MOB3A: variants seen among roughly 807,000 people sequenced by gnomAD.
The protein encoded by MOB3A is MOB kinase activator 3A, also known as MOB LAK.
Under a neutral mutation model 17.8 loss-of-function variants are expected in MOB3A, and 17 were observed. The observed-to-expected ratio is 0.95, with a 90% confidence interval of 0.65 to 1.43. MOB3A has a LOEUF of 1.43. Ranked by LOEUF, MOB3A falls within the 40% of genes most tolerant of loss-of-function variation. The probability of loss-of-function intolerance (pLI) is 0.00; values close to 1 mark genes in which losing one functional copy is unlikely to be tolerated. For synonymous variants in MOB3A, 124 were observed against 133.2 expected (o/e 0.93, Z 0.48); for missense variants, 333 against 310.8 (o/e 1.07, Z -0.54).
chr19:2,074,706 C>G (rs1276902821), intron 4 of MOB3A, among the ~76,000 whole-genome samples: 1 of 151,824 alleles, frequency 6.6e-6, no homozygotes, highest in Non-Finnish European at 1.5e-5. Flanking sequence ...GTGCCCACCA[C>G]CATGCCTGGC....
At chr19:2,085,794 CT>C (rs1295988478) in intron 1 of MOB3A, 1 of 151,762 alleles carries the variant, frequency 6.6e-6, no homozygotes. Flanking sequence ...TGAAACTCGT[CT>C]CTACTAAAAA....
chr19:2,081,826 G>C (rs1193312233), intron 2 of MOB3A, among the ~76,000 whole-genome samples: 14 of 152,224 alleles, frequency 9.2e-5, no homozygotes, highest in African/African-American at 3.1e-4. Context: ...AGAGGTTGCA[G>C]TGAGCCAAGG....
rs982285913 is a variant in MOB3A, at chr19:2,093,902, G to C, written c.-274+2324C>G. Among the ~76,000 whole-genome samples, 1 of 152,150 alleles carries C rather than the reference G, an allele frequency of 6.6e-6. No homozygotes were observed. The highest frequency in any genetic ancestry group is 2.4e-5 in the African/African-American group (1 of 41,426). On this transcript the variant is annotated intron_variant, in intron 1 of 4. Transcript: ENST00000357066. This position sits in a 1 kb window ranked among gnomAD's most constrained non-coding sequence, Gnocchi z 4.6. ...CTTAGTTCTCACTCTGTAATCGGTA[G>C]ATCTCAGTGAGTTCTAATAAACAGG... is the stretch of plus-strand genomic sequence containing the variant.
rs573739431 is a variant in MOB3A, at chr19:2,095,255, G to A, written c.-274+971C>T. On this transcript the variant is annotated intron_variant, in intron 1 of 4. Coordinates refer to ENST00000357066, the MANE Select transcript of MOB3A (RefSeq NM_130807.3). Reference sequence around the variant, plus strand: ...GGAAATCTTACCCCCAGGATGAGCTGCGGCTTGGAGCACTGATTTTCTGCT... The same window carrying A: ...GGAAATCTTACCCCCAGGATGAGCTACGGCTTGGAGCACTGATTTTCTGCT... 2.0e-4 allele frequency: 30 copies of A among 152,548 alleles called. No individual in the cohort carries two copies. In the South Asian group the frequency reaches 5.3e-3, roughly 27 times the overall value. 9.4% of individuals were successfully genotyped at this position (152,548 alleles called of 1,614,324 possible).
In MOB3A at chr19:2,080,036, G is replaced by A. The variant is rs563123101; in HGVS notation, c.-119-1357C>T. Among the ~76,000 whole-genome samples the A allele has an allele frequency of 8.5e-5, 13 of 152,274 alleles. No homozygotes were observed. In the South Asian group the frequency reaches 1.2e-3, roughly 15 times the overall value. ...CTGGATCACACACCGCGCGTGTGCC[G>A]GGCTCACGCTCACCACGCAGGGCCT... On this transcript the variant is annotated intron_variant, in intron 2 of 4. Transcript: ENST00000357066.
chr19:2,084,600 A>AT (rs1568255053), intron 2 of MOB3A, among the ~76,000 whole-genome samples: 1 of 149,220 alleles, frequency 6.7e-6, no homozygotes, highest in Admixed American at 6.7e-5. Context: ...TTTCCTTTTT[A>AT]TTTTTTTTGA....
rs928830638 is a variant in MOB3A, at chr19:2,071,390, C to T, written c.*2005G>A. ...GACAAGTCCTGGGAGTTTCAGGCTT[C>T]GGCAGTAACAGTGTGTTAATTGCAC... On this transcript the variant is annotated 3_prime_UTR_variant, in exon 5 of 5. Transcript: ENST00000357066. 2 of 152,194 alleles carry T rather than the reference C, an allele frequency of 1.3e-5. No individual in the cohort carries two copies. The highest frequency in any genetic ancestry group is 6.5e-5 in the Admixed American group (1 of 15,268). The allele number at this position is 152,194 out of a possible 1,614,324, so 9.4% of individuals were successfully genotyped here.
Position 2,078,207 on chromosome 19 carries a change from G to T in MOB3A, c.354C>A (p.Tyr118Ter), listed in dbSNP as rs370127247. ...CGATCCAGTCCATCAGCAGGTCCAT[G>T]TACCTGGGCGCGGAGAGTGCCGTGG... ...RKPTALSAPRYMDLLMDWIEA... is the reference protein window; with the variant it reads ...RKPTALSAPR The change falls in exon 3 of 5, where the codon TAC (tyrosine) becomes TAA (stop). Residue 118 changes from tyrosine (Y) to a stop codon, truncating the protein, a stop_gained. Transcript: ENST00000357066. LOFTEE classifies it high-confidence loss of function. The T allele has an allele frequency of 6.2e-7, 1 of 1,611,528 alleles. No homozygotes were observed. Among genetic ancestry groups the T allele is most frequent in the East Asian group, 2.2e-5 (1 of 44,762 alleles).
At chr19:2,088,641 T>G (rs552846010) in intron 1 of MOB3A, among the ~76,000 whole-genome samples, 1 of 152,228 alleles carries the variant, frequency 6.6e-6, no homozygotes, top group East Asian at 1.9e-4. Context: ...TAATTTTTTT[T>G]GTATTTTTAG....
chr19:2,096,131 C>G (rs1599416698), intron 1 of MOB3A, 95 bp downstream of exon 1: 2 of 153,602 alleles, frequency 1.3e-5, no homozygotes, highest in Admixed American at 1.3e-4. Flanking sequence ...TTCGCCCTTC[C>G]TGAGAACTCG....
At chr19:2,074,884 A>C (rs1236442811) in intron 4 of MOB3A, among the ~76,000 whole-genome samples, 1 of 151,756 alleles carries the variant, frequency 6.6e-6, no homozygotes, top group East Asian at 1.9e-4. Flanking sequence ...TGCCCAGCTA[A>C]TTTTTTGTAT....
chr19:2,088,520 T>C (rs757574881), intron 1 of MOB3A, among the ~76,000 whole-genome samples: 1 of 152,068 alleles, frequency 6.6e-6, no homozygotes, highest in Non-Finnish European at 1.5e-5. Flanking sequence ...CAGGTTGGAG[T>C]GCAGTGGTGC....
intron 1 of MOB3A, among the ~76,000 whole-genome samples, chr19:2,091,675 C>T (rs1047425957): frequency 2.0e-5 from 3 of 151,270 alleles, no homozygotes; most frequent in Admixed American, 6.6e-5. Flanking sequence ...TGAGCTACTG[C>T]GCCCAGGCTC....
At position 2,075,224 on chromosome 19, in the gene MOB3A, C is replaced by T. The variant is rs533380473; in HGVS notation, c.624+1587G>A. On this transcript the variant is annotated intron_variant, in intron 4 of 4. Transcript: ENST00000357066. ...TTTTCATTTTTTGTAGAGATGAGGT[C>T]TCACTATGTTGTCCAGGCTGTTCTC... 1.1e-4 allele frequency among the ~76,000 whole-genome samples: 17 copies of T among 152,150 alleles called. No individual in the cohort carries two copies. The East Asian group carries it at 3.3e-3, about 29-fold the overall frequency.
At position 2,078,320 on chromosome 19, in the gene MOB3A, C is replaced by T. The variant is rs547046447; in HGVS notation, c.241G>A (p.Asp81Asn). 7.4e-6 allele frequency: 12 copies of T among 1,614,168 alleles called. No homozygotes were observed. The highest frequency in any genetic ancestry group is 2.2e-5 in the South Asian group (2 of 91,082). Residue 81 changes from aspartate to asparagine, a missense_variant, in exon 3 of 5, where the codon GAC (aspartate) becomes AAC (asparagine). By Grantham distance (23) the Asp-to-Asn change is conservative. Transcript: ENST00000357066. ...GGGCAGGACTGCTCCGTGCAGCCGT[C>T]GCTGATGGTGCCGTAGATGAGGTTG... ...RVNLIYGTISDGCTEQSCPVM... is the reference protein window; with the variant it reads ...RVNLIYGTISNGCTEQSCPVM...
rs528821336 is a variant in MOB3A, at chr19:2,081,349, A to G, written c.-119-2670T>C. On this transcript the variant is annotated intron_variant, in intron 2 of 4. Coordinates refer to ENST00000357066, the MANE Select transcript of MOB3A (RefSeq NM_130807.3). The stretch of plus-strand genomic sequence containing the variant: ...ACGCCTGTAATCCCGGCACTTTGGG[A>G]GGCCGAGGCGGGTGGATCACCTGAG... Among the ~76,000 whole-genome samples the G allele has an allele frequency of 5.6e-4, 86 of 152,272 alleles. 1 individual carries two copies. The highest frequency in any genetic ancestry group is 1.1e-3 in the Non-Finnish European group (72 of 68,024).
In MOB3A at chr19:2,093,588, C is replaced by G. The variant is rs56320311; in HGVS notation, c.-274+2638G>C. Among the ~76,000 whole-genome samples, 1 of 152,154 alleles carries G rather than the reference C, an allele frequency of 6.6e-6. No individual in the cohort carries two copies. ...TCTTGAATGCCTGACCTCAGGTGATCTGCTCTCCTCGGCCTCCCAAAGTGC... is the reference window on the plus strand; with the variant it reads ...TCTTGAATGCCTGACCTCAGGTGATGTGCTCTCCTCGGCCTCCCAAAGTGC... On this transcript the variant is annotated intron_variant, in intron 1 of 4. Transcript: ENST00000357066. This position sits in a 1 kb window ranked among gnomAD's most constrained non-coding sequence, Gnocchi z 4.6.
chr19:2,078,057 TAC>T (rs1228647737), intron 3 of MOB3A, 81 bp downstream of exon 3: 2 of 1,379,376 alleles, frequency 1.4e-6, no homozygotes, highest in African/African-American at 2.9e-5. Flanking sequence ...GCGCTGGCAT[TAC>T]GGGTGTGAGC....
In MOB3A at chr19:2,072,745, CCAA is replaced by C. The variant is rs2017353888; in HGVS notation, c.*647_*649del. Reference sequence around the variant, plus strand: ...AGCGAGACCCCTGTCTCTAGTATGACCAAAAAAAAAAAAATCTGTAGAAAAATG... The same window carrying C: ...AGCGAGACCCCTGTCTCTAGTATGACAAAAAAAAAAATCTGTAGAAAAATG... On this transcript the variant is annotated 3_prime_UTR_variant, in exon 5 of 5. Transcript: ENST00000357066. 2 of 148,992 alleles carry C rather than the reference CCAA, an allele frequency of 1.3e-5. No individual in the cohort carries two copies. Among genetic ancestry groups the C allele is most frequent in the African/African-American group, 2.5e-5 (1 of 40,366 alleles). The allele number at this position is 148,992 out of a possible 1,614,324, so 9.2% of individuals were successfully genotyped here. A position where few individuals can be genotyped will look rare whatever the true frequency, so the allele number is the denominator to read the frequency against.
Sources: gnomAD v4.1 joint callset for allele counts (sites outside exome capture counted in the v4.1 genomes callset) on GRCh38, gnomAD v4.1.1 for gene constraint, Gnocchi (gnomAD v3.1) non-coding constraint, MANE v1.5 for transcripts, NCBI Gene and HGNC (gene_info 2026-07-23, HGNC 2026-07-21) for gene names.